The following TPCN1 variants were observed in gnomAD, a reference collection of about 807,000 sequenced individuals.
TPCN1 encodes two pore channel protein 1.
TPCN1 carries 52 observed loss-of-function variants against 108.8 expected under a neutral mutation model. The observed-to-expected ratio is 0.48, with a 90% confidence interval of 0.38 to 0.60. TPCN1 has a LOEUF of 0.60. Ranked by LOEUF, TPCN1 falls within the 20% of genes least tolerant of loss-of-function variation. The pLI is 0.00. For synonymous variants in TPCN1, 446 were observed against 433.7 expected (o/e 1.03, Z -0.35); for missense variants, 806 against 1,072.8 (o/e 0.75, Z 3.47).
At chr12:113,292,803 C>A in intron 25 of TPCN1, 131 bp from the exon 26 acceptor site, 1 of 1,035,550 alleles carries the variant, frequency 9.7e-7, no homozygotes, top group Non-Finnish European at 1.4e-6. Flanking sequence ...GAGAGCAGGA[C>A]ACCAATGCAG....
chr12:113,241,746 G>A (rs1191488135), intron 2 of TPCN1, among the ~76,000 whole-genome samples: 1 of 149,616 alleles, frequency 6.7e-6, no homozygotes, highest in African/African-American at 2.5e-5. Flanking sequence ...AAACAGTGGC[G>A]TTTGCGTGCC....
intron 2 of TPCN1, among the ~76,000 whole-genome samples, chr12:113,248,913 G>A (rs767790844): frequency 3.9e-5 from 6 of 152,228 alleles, no homozygotes; most frequent in Non-Finnish European, 8.8e-5. Flanking sequence ...GACAGAGAAG[G>A]GATTGTGCTA....
chr12:113,255,925 A>G (rs941296252), intron 2 of TPCN1, among the ~76,000 whole-genome samples: 2 of 151,410 alleles, frequency 1.3e-5, no homozygotes, highest in Non-Finnish European at 2.9e-5. Context: ...TCTCAAGCTC[A>G]AGCCATCCTC....
At chr12:113,282,591 A>G (rs1294489887) in intron 15 of TPCN1, among the ~76,000 whole-genome samples, 2 of 150,678 alleles carry the variant, frequency 1.3e-5, no homozygotes, top group African/African-American at 4.9e-5. Context: ...TCTCTACAAA[A>G]AAAAAAATAC....
At position 113,278,188 on chromosome 12, in the gene TPCN1, G is replaced by C; in HGVS notation, c.1185-1G>C. ...GTCCCTTTTTATTTTGCTTTTGGTAGCCTAAAGGACTTTTACGATATCTAC... is the reference window on the plus strand; with the variant it reads ...GTCCCTTTTTATTTTGCTTTTGGTACCCTAAAGGACTTTTACGATATCTAC... On this transcript the variant is annotated splice_acceptor_variant, in intron 12 of 27. Coordinates refer to ENST00000335509, the MANE Select transcript of TPCN1 (RefSeq NM_017901.6). LOFTEE classifies it high-confidence loss of function. 2 of 1,613,566 alleles carry C rather than the reference G, an allele frequency of 1.2e-6. No homozygotes were observed. The highest frequency in any genetic ancestry group is 1.1e-5 in the South Asian group (1 of 91,044).
chr12:113,269,775 C>G lies in TPCN1; in HGVS notation c.678C>G (p.Phe226Leu), dbSNP rs139876985. 6.2e-7 allele frequency: 1 copy of G among 1,613,678 alleles called. No homozygotes were observed. The highest frequency in any genetic ancestry group is 1.3e-5 in the African/African-American group (1 of 74,920). Residue 226 changes from phenylalanine (F) to leucine (L), a missense_variant, in exon 7 of 28, where the codon TTC becomes TTG. Phe to Leu is a conservative substitution (Grantham distance 22). Coordinates refer to ENST00000335509, the MANE Select transcript of TPCN1 (RefSeq NM_017901.6). The surrounding 1 kb of genome is among the most constrained non-coding windows in gnomAD (Gnocchi z 5.0). Reference sequence around the variant, plus strand: ...TCCCCAGCAACCTGCGGCAGATCTTCCAGTCCCTGCCGCCCTTCATGGACA... The same window carrying G: ...TCCCCAGCAACCTGCGGCAGATCTTGCAGTCCCTGCCGCCCTTCATGGACA... ...GGVRRNLRQI[F>L]QSLPPFMDIL...
In TPCN1 at chr12:113,268,680, A is replaced by T. The variant is rs1182239910; in HGVS notation, c.529-62A>T. 10 of 1,595,524 alleles carry T rather than the reference A, an allele frequency of 6.3e-6. No individual in the cohort carries two copies. The highest frequency in any genetic ancestry group is 8.5e-6 in the Non-Finnish European group (10 of 1,170,896). Reference sequence around the variant, plus strand: ...CACTGCCTCTCCAGCCCCCCGTTCCAGGTATGCAGGATGACGGCTGGGCTG... The same window carrying T: ...CACTGCCTCTCCAGCCCCCCGTTCCTGGTATGCAGGATGACGGCTGGGCTG... On this transcript the variant is annotated intron_variant, in intron 5 of 27. Transcript: ENST00000335509. The surrounding 1 kb of genome is among the most constrained non-coding windows in gnomAD (Gnocchi z 7.3).
chr12:113,233,447 G>T (rs905467936), intron 2 of TPCN1, among the ~76,000 whole-genome samples: 4 of 152,250 alleles, frequency 2.6e-5, no homozygotes, highest in Non-Finnish European at 4.4e-5. Flanking sequence ...AGTGCCCTCT[G>T]CGGGGAGGTT....
intron 13 of TPCN1, 91 bp downstream of exon 13, chr12:113,278,328 C>A: frequency 8.4e-7 from 1 of 1,191,594 alleles, no homozygotes; most frequent in Non-Finnish European, 1.3e-6. Context: ...ATCCAGCTCT[C>A]TCCCTGCTAG....
At position 113,272,603 on chromosome 12, in the gene TPCN1, G is replaced by A. The variant is rs1319727686; in HGVS notation, c.749-55G>A. The A allele has an allele frequency of 3.9e-6, 6 of 1,548,188 alleles. No individual in the cohort carries two copies. The highest frequency in any genetic ancestry group is 1.7e-4 in the Middle Eastern group (1 of 5,974). The stretch of plus-strand genomic sequence containing the variant: ...TATTTGTCCAGTCCTTTTGACACCA[G>A]GTTTTGGGACCTCTGCTCTAATCCT... On this transcript the variant is annotated intron_variant, in intron 7 of 27. Coordinates refer to ENST00000335509, the MANE Select transcript of TPCN1 (RefSeq NM_017901.6). The surrounding 1 kb of genome is among the most constrained non-coding windows in gnomAD (Gnocchi z 4.1).
At position 113,285,920 on chromosome 12, in the gene TPCN1, C is replaced by T. The variant is rs568204858; in HGVS notation, c.1485C>T (p.Ala495=). 17 of 1,614,198 alleles carry T rather than the reference C, an allele frequency of 1.1e-5. No homozygotes were observed. Among genetic ancestry groups the T allele is most frequent in the East Asian group, 8.9e-5 (4 of 44,876 alleles). The change falls in exon 18 of 28, where the codon GCC becomes GCT. Residue 495 remains alanine (A), a synonymous_variant. Coordinates refer to ENST00000335509, the MANE Select transcript of TPCN1 (RefSeq NM_017901.6). ...GGGTGGAGCTGTTCCTGAAGGTTGC[C>T]GGCCTGGGCCCTGTGGAGTACTTGT... ...IYGVELFLKV[A]GLGPVEYLSS...
intron 27 of TPCN1, chr12:113,294,030 G>T (rs910234278): frequency 3.3e-5 from 5 of 152,516 alleles, no homozygotes; most frequent in African/African-American, 1.2e-4. Context: ...TGGAGACGGG[G>T]TTTCACCATG....
chr12:113,272,314 C>T lies in TPCN1; in HGVS notation c.749-344C>T, dbSNP rs1955530118. 6.6e-6 allele frequency among the ~76,000 whole-genome samples: 1 copy of T among 152,244 alleles called. No homozygotes were observed. Among genetic ancestry groups the T allele is most frequent in the South Asian group, 2.1e-4 (1 of 4,832 alleles). ...AGAACCTAAGATTGCGAAACAGCAG[C>T]CTGGATTCCAGATCCAGCCTACAGA... On this transcript the variant is annotated intron_variant, in intron 7 of 27. Coordinates refer to ENST00000335509, the MANE Select transcript of TPCN1 (RefSeq NM_017901.6). The surrounding 1 kb of genome is among the most constrained non-coding windows in gnomAD (Gnocchi z 4.1).
Position 113,296,186 on chromosome 12 carries a change from A to G in TPCN1, c.*110A>G, listed in dbSNP as rs1956424995. 7 of 1,447,836 alleles carry G rather than the reference A, an allele frequency of 4.8e-6. No homozygotes were observed. The Admixed American group carries it at 1.3e-4, about 27-fold the overall frequency. 89.7% of individuals were successfully genotyped at this position (1,447,836 alleles called of 1,614,324 possible). On this transcript the variant is annotated 3_prime_UTR_variant, in exon 28 of 28. Transcript: ENST00000335509. ...CATACTCACGTATATGCACATATTT[A>G]TATACAGGAAGAAAAAAGACAGACA... is the stretch of plus-strand genomic sequence containing the variant.
chr12:113,252,862 G>A (rs145264823), intron 2 of TPCN1, among the ~76,000 whole-genome samples: 212 of 152,328 alleles, frequency 1.4e-3, no homozygotes, highest in Non-Finnish European at 2.4e-3. Flanking sequence ...TGGGATCAGG[G>A]TAGGGAATGC....
rs749286377 is a variant in TPCN1 at position 113,288,493 on chromosome 12, AG to A, written c.1706+261del. On this transcript the variant is annotated intron_variant, in intron 20 of 27. Coordinates refer to ENST00000335509, the MANE Select transcript of TPCN1 (RefSeq NM_017901.6). The surrounding 1 kb of genome is among the most constrained non-coding windows in gnomAD (Gnocchi z 4.8). ...GCTTACCACCTGTGTCTACATTCACAGGTAAGGGGTCACCTGTGAGTCTACC... is the reference window on the plus strand; with the variant it reads ...GCTTACCACCTGTGTCTACATTCACAGTAAGGGGTCACCTGTGAGTCTACC... The A allele has an allele frequency of 6.7e-7, 1 of 1,501,182 alleles. No individual in the cohort carries two copies. Among genetic ancestry groups the A allele is most frequent in the South Asian group, 1.3e-5 (1 of 79,178 alleles). The allele number at this position is 1,501,182 out of a possible 1,614,324, so 93.0% of individuals were successfully genotyped here.
chr12:113,230,993 G>A (rs1156276351), intron 2 of TPCN1, among the ~76,000 whole-genome samples: 2 of 152,222 alleles, frequency 1.3e-5, no homozygotes, highest in Non-Finnish European at 2.9e-5. Flanking sequence ...ACTGACCTTT[G>A]TCTTTGGTTG....
rs1169168475 is a variant in TPCN1 at position 113,273,630 on chromosome 12, G to T, written c.904G>T (p.Val302Leu). 7 of 1,614,018 alleles carry T rather than the reference G, an allele frequency of 4.3e-6. No homozygotes were observed. Among genetic ancestry groups the T allele is most frequent in the Non-Finnish European group, 5.9e-6 (7 of 1,180,024 alleles). Residue 302 changes from valine (V) to leucine (L), a missense_variant, in exon 10 of 28, where the codon GTG becomes TTG. Val to Leu is a conservative substitution (Grantham distance 32). Transcript: ENST00000335509. The surrounding 1 kb of genome is among the most constrained non-coding windows in gnomAD (Gnocchi z 4.0). ...CCCCTGGTCCTGCGTCTTCTTCATCGTGTACCTCTCCATCGAGCTGTATTT... is the reference window on the plus strand; with the variant it reads ...CCCCTGGTCCTGCGTCTTCTTCATCTTGTACCTCTCCATCGAGCTGTATTT... ...RNPWSCVFFI[V>L]YLSIELYFIM...
intron 3 of TPCN1, among the ~76,000 whole-genome samples, chr12:113,261,532 G>A (rs1242373543): frequency 6.7e-6 from 1 of 149,866 alleles, no homozygotes; most frequent in Non-Finnish European, 1.5e-5. Flanking sequence ...GGGTTCAAGC[G>A]ATTTTCCTGC....
Sources: gnomAD v4.1 joint callset for allele counts (sites outside exome capture counted in the v4.1 genomes callset) on GRCh38, gnomAD v4.1.1 for gene constraint, Gnocchi (gnomAD v3.1) non-coding constraint, MANE v1.5 for transcripts, NCBI Gene and HGNC (gene_info 2026-07-23, HGNC 2026-07-21) for gene names.